SCN10A: variants seen among roughly 807,000 people sequenced by gnomAD.
SCN10A encodes the protein sodium voltage-gated channel alpha subunit 10, also known as sodium channel protein type 10 subunit alpha.
In SCN10A, 162 loss-of-function variants were observed where a neutral mutation model predicts 170.7. The observed-to-expected ratio is 0.95, with a 90% CI of 0.84 to 1.08. The LOEUF (loss-of-function observed/expected upper bound fraction) is 1.08, where lower values mean the gene tolerates loss of function less well. SCN10A is among the 50% of genes least tolerant of loss of function. The pLI is 0.00. For synonymous variants in SCN10A, 985 were observed against 904.6 expected, an observed-to-expected ratio of 1.09 and a Z score of -1.59; for missense variants, 2,527 against 2,436.9, an observed-to-expected ratio of 1.04 and a Z score of -0.78.
rs368148239 is a variant in SCN10A, at chr3:38,727,025, A to G, written c.2668T>C (p.Leu890=). The part of the protein sequence containing the change: ...VVLNLFIALL[L]NSFSADNLTA... ...AGGTTGTCAGCACTGAAAGAGTTCA[A>G]TAGCAGGGCGATGAACAGGTTAAGC... The change falls in exon 17 of 28, where the codon TTG becomes CTG. Residue 890 remains leucine (L), a synonymous_variant. Coordinates refer to ENST00000449082, the MANE Select transcript of SCN10A (RefSeq NM_006514.4). 1.9e-6 allele frequency: 3 copies of G among 1,612,730 alleles called. No individual in the cohort carries two copies. In the African/African-American group the frequency reaches 4.0e-5, roughly 21 times the overall value.
rs995638455 is a variant in SCN10A, at chr3:38,726,944, T to C, written c.2749A>G (p.Ile917Val). 3.7e-6 allele frequency: 6 copies of C among 1,614,082 alleles called. No individual in the cohort carries two copies. Among genetic ancestry groups the C allele is most frequent in the Non-Finnish European group, 5.1e-6 (6 of 1,180,028 alleles). Reference sequence around the variant, plus strand: ...TTGGTACGATGGCCAAAGACCTGGATCCGTGCCAGGGCCACCTGCAGGTTG... The same window carrying C: ...TTGGTACGATGGCCAAAGACCTGGACCCGTGCCAGGGCCACCTGCAGGTTG... ...VNNLQVALAR[I>V]QVFGHRTKQA... is the part of the protein sequence containing the mutation. Residue 917 changes from isoleucine to valine, a missense_variant, in exon 17 of 28, where the codon ATC (isoleucine) becomes GTC (valine). Ile to Val is a conservative substitution (Grantham distance 29). Coordinates refer to ENST00000449082, the MANE Select transcript of SCN10A (RefSeq NM_006514.4).
At chr3:38,713,323 AGGAAAGACTCATTTGTCAT>A (rs947384201) in intron 22 of SCN10A, among the ~76,000 whole-genome samples, 52 of 152,274 alleles carry the variant, frequency 3.4e-4, no homozygotes, top group Middle Eastern at 3.4e-3. Flanking sequence ...GGAGTATTAG[AGGAAAGACTCATTTGTCAT>A]GGAAAGACAG....
At chr3:38,737,161 G>T (rs1377969993) in intron 15 of SCN10A, among the ~76,000 whole-genome samples, 6 of 149,958 alleles carry the variant, frequency 4.0e-5, no homozygotes, top group African/African-American at 1.2e-4. Flanking sequence ...TAGTAGAGAC[G>T]GGGTTTCACC....
At chr3:38,790,204 C>A (rs1160064019) in intron 3 of SCN10A, among the ~76,000 whole-genome samples, 1 of 151,866 alleles carries the variant, frequency 6.6e-6, no homozygotes, top group Non-Finnish European at 1.5e-5. Context: ...AGTAATATAT[C>A]TTATGTATAA....
At chr3:38,789,115 A>G in intron 3 of SCN10A, 79 bp from the exon 4 acceptor site, 1 of 819,286 alleles carries the variant, frequency 1.2e-6, no homozygotes, top group Non-Finnish European at 2.1e-6. Context: ...ATGCTGAATG[A>G]TTACATTCAT....
chr3:38,806,910 T>C (rs549049234), intron 1 of SCN10A, among the ~76,000 whole-genome samples: 2 of 152,318 alleles, frequency 1.3e-5, no homozygotes, highest in African/African-American at 4.8e-5. Flanking sequence ...AATAAAAGTT[T>C]TCTCATTTGT....
intron 1 of SCN10A, among the ~76,000 whole-genome samples, chr3:38,808,368 G>A (rs1262923526): frequency 6.6e-6 from 1 of 152,118 alleles, no homozygotes; most frequent in African/African-American, 2.4e-5. Context: ...AACTGGACAA[G>A]TTTTCTTTGT....
chr3:38,750,283 T>C, intron 12 of SCN10A, 99 bp from the exon 13 acceptor site: 12 of 630,822 alleles, frequency 1.9e-5, no homozygotes, highest in Middle Eastern at 2.5e-4. Context: ...TCATATATAG[T>C]CATATGTCAC....
rs998456008 is a variant in SCN10A, at chr3:38,698,241, G to A, written c.4979C>T (p.Ser1660Leu). ...SMLCLFQITT[S>L]AGWDGLLSPI... ...GCTGAGGAGGCCATCCCAGCCGGCC[G>A]ACGTGGTAATCTGGAAGAGGCACAG... Residue 1660 changes from serine (S) to leucine (L), a missense_variant, in exon 28 of 28, where the codon TCG becomes TTG. By Grantham distance (145) the Ser-to-Leu change is moderately radical (BLOSUM62 -2). Coordinates refer to ENST00000449082, the MANE Select transcript of SCN10A (RefSeq NM_006514.4). 1.5e-5 allele frequency: 25 copies of A among 1,614,026 alleles called. No homozygotes were observed. In the Middle Eastern group the frequency reaches 1.3e-3, roughly 85 times the overall value.
chr3:38,769,636 C>G (rs2063976160), intron 5 of SCN10A, among the ~76,000 whole-genome samples: 1 of 152,164 alleles, frequency 6.6e-6, no homozygotes, highest in Non-Finnish European at 1.5e-5. Context: ...ATTGAACCCT[C>G]TTTTGTCATA....
chr3:38,799,281 C>T (rs1403829831), intron 1 of SCN10A, among the ~76,000 whole-genome samples: 1 of 152,116 alleles, frequency 6.6e-6, no homozygotes, highest in East Asian at 1.9e-4. Flanking sequence ...AGAAATTCCT[C>T]TCACAGGCAG....
intron 15 of SCN10A, among the ~76,000 whole-genome samples, chr3:38,733,086 T>C (rs1244109575): frequency 6.6e-6 from 1 of 152,224 alleles, no homozygotes; most frequent in Non-Finnish European, 1.5e-5. Flanking sequence ...TTGAGAACTT[T>C]GTCAAAGAAA....
At chr3:38,776,107 A>T (rs909809319) in intron 4 of SCN10A, among the ~76,000 whole-genome samples, 5 of 152,118 alleles carry the variant, frequency 3.3e-5, no homozygotes, top group South Asian at 2.1e-4. Flanking sequence ...ACGTTAGCAG[A>T]TAATAAATTG....
Position 38,793,856 on chromosome 3 carries a change from C to T in SCN10A, c.155G>A (p.Arg52Gln), listed in dbSNP as rs778340868. The T allele has an allele frequency of 3.7e-6, 6 of 1,613,910 alleles. No homozygotes were observed. In the African/African-American group the frequency reaches 6.7e-5, roughly 18 times the overall value. ...REQKDQEEKP[R>Q]PQLDLKACNQ... Reference sequence around the variant, plus strand: ...GCAGGCTTTCAAGTCCAGCTGGGGCCGAGGCTTCTCTTCTTGGTCCTTCTG... The same window carrying T: ...GCAGGCTTTCAAGTCCAGCTGGGGCTGAGGCTTCTCTTCTTGGTCCTTCTG... Residue 52 changes from arginine (R) to glutamine (Q), a missense_variant, in exon 2 of 28, where the codon CGG becomes CAG. Physicochemically the swap from Arg to Gln is conservative, Grantham distance 43. Transcript: ENST00000449082.
chr3:38,736,117 G>A (rs1170192342), intron 15 of SCN10A, among the ~76,000 whole-genome samples: 4 of 152,096 alleles, frequency 2.6e-5, no homozygotes, highest in Non-Finnish European at 4.4e-5. Context: ...CAGGCACAGC[G>A]AAAAAAACTT....
chr3:38,712,043 G>A, intron 23 of SCN10A, 118 bp downstream of exon 23: 1 of 973,698 alleles, frequency 1.0e-6, no homozygotes. Flanking sequence ...AATGACCTCA[G>A]TTCACACTGA....
Position 38,729,024 on chromosome 3 carries a change from G to T in SCN10A, c.2281-123C>A, listed in dbSNP as rs775658964. 4 of 1,257,872 alleles carry T rather than the reference G, an allele frequency of 3.2e-6. No individual in the cohort carries two copies. The Admixed American group carries it at 1.0e-4, about 32-fold the overall frequency. The allele number at this position is 1,257,872 out of a possible 1,614,324, so 77.9% of individuals were successfully genotyped here. Reference sequence around the variant, plus strand: ...GCCTCTCATCCCATTAAACCAGGGCGTTTTCTGGACACTGCTTTTGGAGAC... The same window carrying T: ...GCCTCTCATCCCATTAAACCAGGGCTTTTTCTGGACACTGCTTTTGGAGAC... On this transcript the variant is annotated intron_variant, in intron 15 of 27. Coordinates refer to ENST00000449082, the MANE Select transcript of SCN10A (RefSeq NM_006514.4).
chr3:38,790,090 T>C (rs893791353), intron 3 of SCN10A, among the ~76,000 whole-genome samples: 4 of 152,120 alleles, frequency 2.6e-5, no homozygotes, highest in Admixed American at 6.5e-5. Context: ...AAACCACATT[T>C]TCCTGCTGAC....
At chr3:38,782,384 G>A (rs1250790668) in intron 4 of SCN10A, among the ~76,000 whole-genome samples, 1 of 152,000 alleles carries the variant, frequency 6.6e-6, no homozygotes, top group Non-Finnish European at 1.5e-5. Context: ...ACCCTGATCT[G>A]CTAAGTGATT....
Sources: allele counts gnomAD v4.1 joint callset (sites outside exome capture counted in the v4.1 genomes callset), GRCh38; gene constraint gnomAD v4.1.1; transcripts MANE v1.5; gene names NCBI Gene and HGNC (gene_info 2026-07-23, HGNC 2026-07-21).